Variants in NOL4L observed in about 807,000 individuals in gnomAD.
The protein encoded by NOL4L is nucleolar protein 4 like.
NOL4L carries 7 observed loss-of-function variants against 64.5 expected under a neutral mutation model. That is an observed-to-expected ratio of 0.11 (90% CI 0.06 to 0.20). The LOEUF (loss-of-function observed/expected upper bound fraction) is 0.20. NOL4L is among the 10% of genes least tolerant of loss of function. The pLI is 1.00. For missense variants in NOL4L, 680 were observed against 967.1 expected, an observed-to-expected ratio of 0.70 and a Z score of 3.94; for synonymous variants, 413 against 401.0, an observed-to-expected ratio of 1.03 and a Z score of -0.36.
intron 4 of NOL4L, chr20:32,483,407 G>T: frequency 1.0e-6 from 1 of 986,876 alleles, no homozygotes; most frequent in South Asian, 4.6e-5. Context: ...ATCCGCGAGT[G>T]AGCGGGGCGG....
At chr20:32,530,173 A>T (rs1343748046) in intron 1 of NOL4L, among the ~76,000 whole-genome samples, 1 of 152,258 alleles carries the variant, frequency 6.6e-6, no homozygotes, top group East Asian at 1.9e-4. Flanking sequence ...TGGATTTGGG[A>T]TGTACAGTTA....
intron 5 of NOL4L, among the ~76,000 whole-genome samples, chr20:32,467,673 G>C (rs2014669745): frequency 6.6e-6 from 1 of 152,174 alleles, no homozygotes; most frequent in Admixed American, 6.5e-5. Context: ...GCCCCCAATG[G>C]GCCTGTGCTG....
intron 5 of NOL4L, among the ~76,000 whole-genome samples, chr20:32,471,975 A>T (rs1317636357): frequency 6.6e-6 from 1 of 152,202 alleles, no homozygotes; most frequent in Admixed American, 6.5e-5. Flanking sequence ...TCTTTTCTTT[A>T]TAAATTACCC....
chr20:32,488,791 CTTTCT>C (rs1213419690), intron 4 of NOL4L, among the ~76,000 whole-genome samples: 12 of 53,496 alleles, frequency 2.2e-4, no homozygotes, highest in African/African-American at 2.7e-4. Context: ...TCCTTCCTTC[CTTTCT>C]TTCTTTCTTT....
intron 3 of NOL4L, among the ~76,000 whole-genome samples, chr20:32,518,398 A>G (rs2017769770): frequency 6.6e-6 from 1 of 152,178 alleles, no homozygotes; most frequent in Non-Finnish European, 1.5e-5. Flanking sequence ...GAGGAGAGGA[A>G]GCAGGCCACT....
chr20:32,476,197 G>A (rs1352188190), intron 4 of NOL4L, among the ~76,000 whole-genome samples: 1 of 49,966 alleles, frequency 2.0e-5, no homozygotes, highest in Admixed American at 2.8e-4. Context: ...ACACCCGGAG[G>A]GACACACACA....
intron 4 of NOL4L, among the ~76,000 whole-genome samples, chr20:32,508,217 G>A (rs997273592): frequency 1.3e-5 from 2 of 152,216 alleles, no homozygotes; most frequent in Non-Finnish European, 2.9e-5. Context: ...AGCCGAACCT[G>A]TCCTGCGGCT....
At chr20:32,494,252 GGAAAAA>G (rs2016582171) in intron 4 of NOL4L, among the ~76,000 whole-genome samples, 4 of 27,094 alleles carry the variant, frequency 1.5e-4, no homozygotes, top group African/African-American at 1.5e-4. Flanking sequence ...GATAATCTCG[GGAAAAA>G]AAAAAAAAAA....
chr20:32,452,119 A>G, intron 10 of NOL4L, 117 bp downstream of exon 10: 1 of 854,364 alleles, frequency 1.2e-6, no homozygotes, highest in South Asian at 3.2e-5. Context: ...GCTGTGAGGC[A>G]GCCCCTTTCC....
In NOL4L at chr20:32,584,730, T is replaced by C; in HGVS notation, c.161A>G (p.Glu54Gly). 1 of 1,547,912 alleles carries C rather than the reference T, an allele frequency of 6.5e-7. No individual in the cohort carries two copies. The highest frequency in any genetic ancestry group is 8.7e-7 in the Non-Finnish European group (1 of 1,145,784). ...AGTCCCGCCGCCGCCCTGCAGGACC[T>C]CGGCGATCCGCTGGTATTTGCTGCG... The part of the protein sequence containing the change: ...VTRSKYQRIA[E>G]VLQGGGGTGA... Residue 54 changes from glutamate (E) to glycine (G), a missense_variant, in exon 1 of 11, where the codon GAG becomes GGG. Glu to Gly is a moderately conservative substitution (Grantham distance 98). Transcript: ENST00000621426.
At chr20:32,521,032 A>C (rs747884312) in intron 2 of NOL4L, 110 bp from the exon 3 acceptor site, 2 of 597,592 alleles carry the variant, frequency 3.3e-6, no homozygotes, top group Non-Finnish European at 2.9e-6. Context: ...TCTTGCAAGG[A>C]AAGTCAGGGA....
chr20:32,469,540 T>G (rs1175140542), intron 5 of NOL4L, among the ~76,000 whole-genome samples: 1 of 152,000 alleles, frequency 6.6e-6, no homozygotes, highest in Non-Finnish European at 1.5e-5. Context: ...CCCAGCTAAT[T>G]TTGTATTTTT....
chr20:32,554,155 C>G (rs1470149790), intron 1 of NOL4L, among the ~76,000 whole-genome samples: 1 of 151,888 alleles, frequency 6.6e-6, no homozygotes, highest in East Asian at 1.9e-4. Flanking sequence ...CCCGTCTCTA[C>G]TAAAAAATAC....
chr20:32,584,326 C>T (rs1392377705), intron 1 of NOL4L, among the ~76,000 whole-genome samples: 1 of 151,188 alleles, frequency 6.6e-6, no homozygotes, highest in East Asian at 2.0e-4. Flanking sequence ...GGACAGCCTG[C>T]CCGGCACGGC....
chr20:32,572,329 C>T (rs1007145269), intron 1 of NOL4L: 1 of 152,224 alleles, frequency 6.6e-6, no homozygotes, highest in East Asian at 1.9e-4. Flanking sequence ...CCTGGCACTT[C>T]CTAAGCACTG....
At chr20:32,562,059 G>T (rs111302386) in intron 1 of NOL4L, among the ~76,000 whole-genome samples, 1 of 152,030 alleles carries the variant, frequency 6.6e-6, no homozygotes, top group East Asian at 1.9e-4. Context: ...CCACAGGCGC[G>T]CTTACTCCGA....
At chr20:32,535,878 GTAC>G in intron 1 of NOL4L, 2 of 985,530 alleles carry the variant, frequency 2.0e-6, no homozygotes, top group Non-Finnish European at 2.4e-6. Context: ...GGAGGGAGGA[GTAC>G]TGTCCAGCAT....
At chr20:32,483,520 CCGGGGG>C (rs1047577419) in intron 4 of NOL4L, 269 of 982,702 alleles carry the variant, frequency 2.7e-4, no homozygotes, top group Non-Finnish European at 3.1e-4. Context: ...ACTGCCCGGC[CCGGGGG>C]CGGGGGTGGC....
At chr20:32,462,034 A>G (rs1178254553) in intron 5 of NOL4L, among the ~76,000 whole-genome samples, 2 of 152,026 alleles carry the variant, frequency 1.3e-5, no homozygotes, top group African/African-American at 2.4e-5. Context: ...GCAACTGGTA[A>G]TAGCGTGTGA....
Sources: allele counts gnomAD v4.1 joint callset (sites outside exome capture counted in the v4.1 genomes callset), GRCh38; gene constraint gnomAD v4.1.1; transcripts MANE v1.5; gene names NCBI Gene and HGNC (gene_info 2026-07-23, HGNC 2026-07-21).